Variants in DHX33 observed in about 807,000 individuals in gnomAD.
The protein encoded by DHX33 is DEAH-box helicase 33.
Under a neutral mutation model 72.5 loss-of-function variants are expected in DHX33, and 42 were observed. The ratio of observed to expected loss-of-function variants is 0.58; its 90% CI spans 0.45 to 0.75. The LOEUF (loss-of-function observed/expected upper bound fraction) is 0.75. DHX33 is among the 30% of genes least tolerant of loss of function. The pLI is 0.00. For missense variants in DHX33, 842 were observed against 917.5 expected (o/e 0.92, Z 1.06); for synonymous variants, 358 against 366.1 (o/e 0.98, Z 0.25).
intron 8 of DHX33, among the ~76,000 whole-genome samples, chr17:5,453,206 T>C (rs867306013): frequency 5.9e-5 from 9 of 152,310 alleles, no homozygotes; most frequent in Middle Eastern, 3.4e-3. Flanking sequence ...AGGAACTTTA[T>C]TGATGGTGCT....
chr17:5,454,551 C>A (rs142051563), intron 6 of DHX33, among the ~76,000 whole-genome samples: 3 of 152,170 alleles, frequency 2.0e-5, no homozygotes, highest in South Asian at 4.1e-4. Context: ...AGCTCTTTCA[C>A]CTACGTCATC....
At position 5,453,937 on chromosome 17, in the gene DHX33, C is replaced by T. The variant is rs149691555; in HGVS notation, c.1191G>A (p.Thr397=). The T allele has an allele frequency of 2.9e-5, 47 of 1,613,992 alleles. No individual in the cohort carries two copies. The Middle Eastern group carries it at 4.9e-4, about 17-fold the overall frequency. Residue 397 remains threonine (T), a synonymous_variant, in exon 7 of 12, where the codon ACG becomes ACA. Coordinates refer to ENST00000225296, the MANE Select transcript of DHX33 (RefSeq NM_020162.4). ...EVLAVQRVSK[T]QAWQRTGRAG... ...CCCTCCCTGTGCGCTGCCAAGCCTG[C>T]GTCTTCGATACCCGCTGCACTGCTA...
chr17:5,454,364 T>TG (rs1917097200), intron 6 of DHX33, among the ~76,000 whole-genome samples: 2 of 152,112 alleles, frequency 1.3e-5, no homozygotes, highest in African/African-American at 2.4e-5. Context: ...CAAACTAGGA[T>TG]GGGGGTCATA....
intron 4 of DHX33, among the ~76,000 whole-genome samples, chr17:5,457,646 G>GA (rs1904384604): frequency 6.9e-6 from 1 of 145,542 alleles, no homozygotes; most frequent in Non-Finnish European, 1.5e-5. Context: ...AAAATAAATA[G>GA]AAAAAAATTT....
At chr17:5,459,198 C>A (rs2151689590) in intron 4 of DHX33, among the ~76,000 whole-genome samples, 1 of 152,154 alleles carries the variant, frequency 6.6e-6, no homozygotes, top group East Asian at 1.9e-4. Context: ...GACCCCGTCT[C>A]TAAATAAGTA....
intron 8 of DHX33, 73 bp downstream of exon 8, chr17:5,453,506 AT>A (rs1165693554): frequency 4.1e-6 from 5 of 1,210,570 alleles, no homozygotes; most frequent in Non-Finnish European, 6.1e-6. Flanking sequence ...AATATACTTT[AT>A]TTTTTTGGAA....
intron 10 of DHX33, among the ~76,000 whole-genome samples, chr17:5,449,759 C>T (rs960444325): frequency 6.6e-6 from 1 of 151,966 alleles, no homozygotes; most frequent in South Asian, 2.1e-4. Flanking sequence ...TTCAACTGCA[C>T]GAAGCTTCGT....
At position 5,442,250 on chromosome 17, in the gene DHX33, A is replaced by ATTTTTTTTTTTTTTTTTTTTTTTT. The variant is rs377645589; in HGVS notation, c.*1931_*1954dup. 1 of 121,822 alleles carries ATTTTTTTTTTTTTTTTTTTTTTTT rather than the reference A, an allele frequency of 8.2e-6. No individual in the cohort carries two copies. Among genetic ancestry groups the ATTTTTTTTTTTTTTTTTTTTTTTT allele is most frequent in the Non-Finnish European group, 1.7e-5 (1 of 58,566 alleles). 7.5% of individuals were successfully genotyped at this position (121,822 alleles called of 1,614,324 possible). On this transcript the variant is annotated 3_prime_UTR_variant, in exon 12 of 12. Transcript: ENST00000225296. The stretch of plus-strand genomic sequence containing the variant: ...AGCCACTGCGCCCGGCCACCCCCCA[A>ATTTTTTTTTTTTTTTTTTTTTTTT]TTTTTTTTTTTTTTTTTTTTTTTTT...
Position 5,461,126 on chromosome 17 carries a change from AGAG to A in DHX33, c.679-20_679-18del, listed in dbSNP as rs1214577677. On this transcript the variant is annotated intron_variant, in intron 3 of 11. Coordinates refer to ENST00000225296, the MANE Select transcript of DHX33 (RefSeq NM_020162.4). ...CACAATCACCTGCATAAGAGAACGA[AGAG>A]GAGGACCAGAAACAAATAGTGGGAA... 3 of 1,594,042 alleles carry A rather than the reference AGAG, an allele frequency of 1.9e-6. No homozygotes were observed. Among genetic ancestry groups the A allele is most frequent in the African/African-American group, 2.7e-5 (2 of 74,352 alleles).
Position 5,443,838 on chromosome 17 carries a change from G to T in DHX33, c.*367C>A, listed in dbSNP as rs1230118075. On this transcript the variant is annotated 3_prime_UTR_variant, in exon 12 of 12. Transcript: ENST00000225296. ...AACTCACTGTACGTGTGTCGTGCGTGCTCCAGGCATAGTTCTGGGTACTTT... is the reference window on the plus strand; with the variant it reads ...AACTCACTGTACGTGTGTCGTGCGTTCTCCAGGCATAGTTCTGGGTACTTT... 1.0e-5 allele frequency: 2 copies of T among 200,970 alleles called. No homozygotes were observed. The highest frequency in any genetic ancestry group is 2.0e-5 in the Non-Finnish European group (2 of 101,640). The allele number at this position is 200,970 out of a possible 1,614,324, so 12.4% of individuals were successfully genotyped here.
intron 3 of DHX33, among the ~76,000 whole-genome samples, chr17:5,461,621 AT>A (rs1904626917): frequency 6.6e-6 from 1 of 151,236 alleles, no homozygotes; most frequent in Non-Finnish European, 1.5e-5. Flanking sequence ...AAAAAAAAAA[AT>A]CAAGACGGAA....
At chr17:5,454,990 G>A (rs928657161) in intron 6 of DHX33, among the ~76,000 whole-genome samples, 170 bp downstream of exon 6, 3 of 152,068 alleles carry the variant, frequency 2.0e-5, no homozygotes, top group Admixed American at 6.6e-5. Context: ...TCACATACCC[G>A]CCTCAGGACT....
At position 5,468,963 on chromosome 17, in the gene DHX33, GGCGGC is replaced by G; in HGVS notation, c.-109_-105del. The stretch of plus-strand genomic sequence containing the variant: ...CGCCCCTTCCTCGCCGCCACGTGCT[GGCGGC>G]TCCCGGCGACCACCGATGACCTCAC... On this transcript the variant is annotated 5_prime_UTR_variant, in exon 1 of 12. Transcript: ENST00000225296. 6.9e-6 allele frequency: 5 copies of G among 720,792 alleles called. No individual in the cohort carries two copies. The highest frequency in any genetic ancestry group is 3.0e-5 in the Admixed American group (1 of 33,500). The allele number at this position is 720,792 out of a possible 1,614,324, so 44.6% of individuals were successfully genotyped here.
rs1904590751 is a variant in DHX33 at position 5,461,209 on chromosome 17, C to T, written c.679-100G>A. On this transcript the variant is annotated intron_variant, in intron 3 of 11. Transcript: ENST00000225296. ...AAGCAGATGATTGAGGCCTGTGCCA[C>T]CCCCATCACAGTTTACTTTCTTCCA... 2.4e-6 allele frequency: 3 copies of T among 1,247,504 alleles called. No individual in the cohort carries two copies. The African/African-American group carries it at 4.5e-5, about 19-fold the overall frequency. The allele number at this position is 1,247,504 out of a possible 1,614,324, so 77.3% of individuals were successfully genotyped here. A position where few individuals can be genotyped will look rare whatever the true frequency, so the allele number is the denominator to read the frequency against.
At chr17:5,465,021 C>T (rs1376898614) in intron 1 of DHX33, among the ~76,000 whole-genome samples, 1 of 152,226 alleles carries the variant, frequency 6.6e-6, no homozygotes, top group Non-Finnish European at 1.5e-5. Flanking sequence ...GTCCGTCCTC[C>T]TCCAACACCA....
At chr17:5,453,220 A>G (rs1396821748) in intron 8 of DHX33, among the ~76,000 whole-genome samples, 1 of 152,182 alleles carries the variant, frequency 6.6e-6, no homozygotes, top group South Asian at 2.1e-4. Flanking sequence ...TGGTGCTGAT[A>G]GTACAGAATC....
chr17:5,448,484 T>G (rs1916751124), intron 11 of DHX33, among the ~76,000 whole-genome samples: 1 of 152,154 alleles, frequency 6.6e-6, no homozygotes, highest in African/African-American at 2.4e-5. Context: ...TTTGGTAATC[T>G]AAAAGGAAAT....
chr17:5,453,639 A>G lies in DHX33; in HGVS notation c.1337T>C (p.Leu446Pro), dbSNP rs771864390. 3 of 1,614,068 alleles carry G rather than the reference A, an allele frequency of 1.9e-6. No individual in the cohort carries two copies. Among genetic ancestry groups the G allele is most frequent in the Non-Finnish European group, 2.5e-6 (3 of 1,180,030 alleles). The change falls in exon 8 of 12, where the codon CTT (leucine) becomes CCT (proline). Residue 446 changes from leucine (L) to proline (P), a missense_variant. Physicochemically the swap from Leu to Pro is moderately conservative, Grantham distance 98. Transcript: ENST00000225296. ...CACATTTGGGACTTTCATTGCTAGA[A>G]GCTGAAGCATCACACTGGCCAGGTT... ...RCNLASVMLQ[L>P]LAMKVPNVLT...
At position 5,443,764 on chromosome 17, in the gene DHX33, T is replaced by C. The variant is rs2074437; in HGVS notation, c.*441A>G. ...CAGTCACAAGAACTTGGGATATTGC[T>C]GTACTTCACATCATATGGCAAGCAG... On this transcript the variant is annotated 3_prime_UTR_variant, in exon 12 of 12. Coordinates refer to ENST00000225296, the MANE Select transcript of DHX33 (RefSeq NM_020162.4). 12,950 of 159,472 alleles carry C rather than the reference T, an allele frequency of 0.081. 651 individuals are homozygous for C. Among genetic ancestry groups the C allele is most frequent in the East Asian group, 0.19 (1,054 of 5,482 alleles). The allele number at this position is 159,472 out of a possible 1,614,324, so 9.9% of individuals were successfully genotyped here. A position where few individuals can be genotyped will look rare whatever the true frequency, so the allele number is the denominator to read the frequency against.
Sources: allele counts gnomAD v4.1 joint callset (sites outside exome capture counted in the v4.1 genomes callset), GRCh38; gene constraint gnomAD v4.1.1; transcripts MANE v1.5; gene names NCBI Gene and HGNC (gene_info 2026-07-23, HGNC 2026-07-21).